The following CNTNAP2 variants were observed in gnomAD, a reference collection of about 807,000 sequenced individuals.
CNTNAP2 encodes contactin associated protein 2, also known as contactin-associated protein-like 2.
CNTNAP2 carries 98 observed loss-of-function variants against 155.2 expected under a neutral mutation model. That is an observed-to-expected ratio of 0.63 (90% CI 0.54 to 0.75). The LOEUF (loss-of-function observed/expected upper bound fraction) is 0.75, where lower values mean the gene tolerates loss of function less well. CNTNAP2 is among the 30% of genes least tolerant of loss of function. The pLI is 0.00. For missense variants in CNTNAP2, 1,727 were observed against 1,688.1 expected, an observed-to-expected ratio of 1.02 and a Z score of -0.40; for synonymous variants, 651 against 631.2, an observed-to-expected ratio of 1.03 and a Z score of -0.47.
At chr7:147,369,942 G>A (rs1448954641) in intron 9 of CNTNAP2, among the ~76,000 whole-genome samples, 1 of 152,164 alleles carries the variant, frequency 6.6e-6, no homozygotes, top group South Asian at 2.1e-4. Flanking sequence ...CTTGTCACAC[G>A]TGGTCGGTCC....
chr7:146,613,574 T>C (rs758473815), intron 1 of CNTNAP2, among the ~76,000 whole-genome samples: 35 of 151,746 alleles, frequency 2.3e-4, no homozygotes, highest in Non-Finnish European at 4.0e-4. Context: ...AAAGATAAAA[T>C]TAATTTATTT....
chr7:147,562,681 C>G (rs1036285814), intron 12 of CNTNAP2, among the ~76,000 whole-genome samples: 2 of 152,166 alleles, frequency 1.3e-5, no homozygotes, highest in Admixed American at 1.3e-4. Flanking sequence ...AGAAATCTTT[C>G]TAAGTCCTGA....
In CNTNAP2 at chr7:147,439,042, T is replaced by C. The variant is rs1797597867; in HGVS notation, c.1670+43262T>C. ...TTAACTTTTCAAAAAACCAACTTTT[T>C]ATTTCATTGGTCTTTTGTATTGTTT... On this transcript the variant is annotated intron_variant, in intron 10 of 23. Transcript: ENST00000361727. Among the ~76,000 whole-genome samples the C allele has an allele frequency of 3.3e-5, 5 of 152,094 alleles. No homozygotes were observed. The South Asian group carries it at 1.0e-3, about 31-fold the overall frequency.
intron 10 of CNTNAP2, 149 bp from the exon 11 acceptor site, chr7:147,485,784 CAT>C (rs1798498786): frequency 2.7e-6 from 2 of 738,822 alleles, no homozygotes; most frequent in Admixed American, 4.0e-5. Context: ...TTTCATGAAT[CAT>C]ATTAATCTGC....
chr7:147,361,124 G>T (rs1385700131), intron 9 of CNTNAP2, among the ~76,000 whole-genome samples: 3 of 151,994 alleles, frequency 2.0e-5, no homozygotes, highest in Non-Finnish European at 2.9e-5. Context: ...AACCAAAAAA[G>T]ATTAACTAAA....
chr7:148,282,642 C>T (rs539656895), intron 21 of CNTNAP2, among the ~76,000 whole-genome samples: 1 of 152,200 alleles, frequency 6.6e-6, no homozygotes, highest in Admixed American at 6.5e-5. Flanking sequence ...AAAAAGAACA[C>T]TCAAACAATG....
chr7:146,200,509 T>TAC (rs1554402376), intron 1 of CNTNAP2, among the ~76,000 whole-genome samples: 3,025 of 110,702 alleles, frequency 0.027, 88 homozygotes, highest in African/African-American at 0.083. Flanking sequence ...TATATATATA[T>TAC]ACACACACAC....
intron 8 of CNTNAP2, among the ~76,000 whole-genome samples, chr7:147,182,125 CAAAAAAAAA>C (rs10718876): frequency 3.2e-5 from 3 of 92,402 alleles, no homozygotes; most frequent in Non-Finnish European, 6.1e-5. Context: ...GACTCCATCT[CAAAAAAAAA>C]AAAAAAAAAA....
chr7:146,348,120 A>T (rs1316190080), intron 1 of CNTNAP2, among the ~76,000 whole-genome samples: 4 of 152,162 alleles, frequency 2.6e-5, no homozygotes, highest in Non-Finnish European at 5.9e-5. Context: ...ACTGGCTTTT[A>T]ATAAATACGA....
intron 21 of CNTNAP2, among the ~76,000 whole-genome samples, chr7:148,310,083 G>A (rs1388572477): frequency 1.3e-5 from 2 of 152,058 alleles, no homozygotes; most frequent in Admixed American, 6.6e-5. Context: ...GCCTGGATAC[G>A]ATTTTGTATA....
intron 3 of CNTNAP2, among the ~76,000 whole-genome samples, chr7:146,942,937 A>G (rs1797085548): frequency 6.6e-6 from 1 of 152,186 alleles, no homozygotes; most frequent in Non-Finnish European, 1.5e-5. Flanking sequence ...TTTCTATTAC[A>G]ACATAATTTA....
At chr7:146,217,821 GTA>G (rs1799137717) in intron 1 of CNTNAP2, among the ~76,000 whole-genome samples, 1 of 152,092 alleles carries the variant, frequency 6.6e-6, no homozygotes, top group Non-Finnish European at 1.5e-5. Context: ...GATTGTAAGA[GTA>G]TATGCATTTG....
chr7:146,799,694 A>G (rs902351825), intron 2 of CNTNAP2, among the ~76,000 whole-genome samples: 8 of 152,228 alleles, frequency 5.3e-5, no homozygotes, highest in African/African-American at 4.8e-5. Flanking sequence ...CAAAATTACC[A>G]TAGTGGTTAA....
chr7:147,505,067 T>C (rs186553900), intron 11 of CNTNAP2, among the ~76,000 whole-genome samples: 5 of 152,188 alleles, frequency 3.3e-5, no homozygotes, highest in Middle Eastern at 3.4e-3. Flanking sequence ...CATCCCCACA[T>C]AGATTTTCCC....
intron 1 of CNTNAP2, among the ~76,000 whole-genome samples, chr7:146,427,001 A>G (rs1258197554): frequency 6.6e-6 from 1 of 152,204 alleles, no homozygotes; most frequent in African/African-American, 2.4e-5. Context: ...TGTCAATGAA[A>G]AAAACTGCTT....
chr7:146,727,026 C>CT (rs72096624), intron 1 of CNTNAP2, among the ~76,000 whole-genome samples: 1 of 151,682 alleles, frequency 6.6e-6, no homozygotes, highest in East Asian at 1.9e-4. Context: ...TTGATTTTTG[C>CT]TTTTTTTTCT....
intron 8 of CNTNAP2, among the ~76,000 whole-genome samples, chr7:147,233,122 T>C (rs1265224077): frequency 6.6e-6 from 1 of 152,208 alleles, no homozygotes; most frequent in East Asian, 1.9e-4. Flanking sequence ...TTAGTTAGCA[T>C]GGTGTCTTTA....
intron 1 of CNTNAP2, among the ~76,000 whole-genome samples, chr7:146,506,034 C>A (rs142321389): frequency 4.9e-4 from 75 of 152,292 alleles, no homozygotes; most frequent in African/African-American, 1.8e-3. Context: ...TTATGTCCAT[C>A]CATTGTGCCC....
chr7:147,836,782 A>G (rs60955661), intron 13 of CNTNAP2, among the ~76,000 whole-genome samples: 6,048 of 152,316 alleles, frequency 0.04, 171 homozygotes, highest in South Asian at 0.062. Context: ...GATAGTATTT[A>G]GCCTTGGATG....
Sources: allele counts gnomAD v4.1 joint callset (sites outside exome capture counted in the v4.1 genomes callset), GRCh38; gene constraint gnomAD v4.1.1; transcripts MANE v1.5; gene names NCBI Gene and HGNC (gene_info 2026-07-23, HGNC 2026-07-21).